Variants in ZNF214 observed in about 807,000 individuals in gnomAD.
ZNF214 encodes the protein zinc finger protein 214.
Under a neutral mutation model 53.9 loss-of-function variants are expected in ZNF214, and 43 were observed. The ratio of observed to expected loss-of-function variants is 0.80; its 90% CI spans 0.63 to 1.03. The LOEUF (loss-of-function observed/expected upper bound fraction) is 1.03. Ranked by LOEUF, ZNF214 falls within the 50% of genes least tolerant of loss-of-function variation. The pLI, the probability that ZNF214 is intolerant of heterozygous loss-of-function variation, is 0.00. For synonymous variants in ZNF214, 217 were observed against 229.5 expected (o/e 0.95, Z 0.49); for missense variants, 724 against 719.1 (o/e 1.01, Z -0.08).
In ZNF214 at chr11:7,005,905, G is replaced by C. The variant is rs368094833; in HGVS notation, c.-20-3050C>G. Among the ~76,000 whole-genome samples the C allele has an allele frequency of 5.3e-5, 8 of 151,978 alleles. No homozygotes were observed. In the East Asian group the frequency reaches 5.8e-4, roughly 11 times the overall value. On this transcript the variant is annotated intron_variant, in intron 1 of 2. Coordinates refer to ENST00000278314, the MANE Select transcript of ZNF214 (RefSeq NM_013249.4). ...CCTGAAATGTAATCCTAATGAAAAA[G>C]ATAAGATAAAATGCTTGATTATCTC...
intron 2 of ZNF214, 78 bp downstream of exon 2, chr11:7,002,631 C>T: frequency 7.1e-7 from 1 of 1,415,660 alleles, no homozygotes. Context: ...CAATATAACA[C>T]CCAGATAAAA....
At chr11:7,016,104 T>C (rs986122325) in intron 1 of ZNF214, 2 of 152,232 alleles carry the variant, frequency 1.3e-5, no homozygotes, top group African/African-American at 2.4e-5. Flanking sequence ...ATATCAGATA[T>C]GCATTATAGT....
At chr11:7,006,221 G>A (rs1289244109) in intron 1 of ZNF214, among the ~76,000 whole-genome samples, 2 of 151,922 alleles carry the variant, frequency 1.3e-5, no homozygotes, top group African/African-American at 4.8e-5. Context: ...CAAATGTCCA[G>A]GTTCATTCTT....
At chr11:7,014,810 A>C (rs1473968807) in intron 1 of ZNF214, among the ~76,000 whole-genome samples, 4 of 147,774 alleles carry the variant, frequency 2.7e-5, no homozygotes, top group African/African-American at 9.9e-5. Context: ...CTAACAAAAA[A>C]AAAAAAAAAC....
chr11:7,001,342 G>C lies in ZNF214; in HGVS notation c.341C>G (p.Pro114Arg). ...AGTCAGTTCATAGTTCCCATACCCT[G>C]GTACTTGTGTGGAGAGTATTAACCA... ...QEWLILSTQV[P>R]GYGNYELTFE... The change falls in exon 3 of 3, where the codon CCA becomes CGA. Residue 114 changes from proline to arginine, a missense_variant. By Grantham distance (103) the Pro-to-Arg change is moderately radical. Transcript: ENST00000278314. 6.2e-7 allele frequency: 1 copy of C among 1,613,140 alleles called. No individual in the cohort carries two copies. The highest frequency in any genetic ancestry group is 8.5e-7 in the Non-Finnish European group (1 of 1,179,388).
intron 1 of ZNF214, among the ~76,000 whole-genome samples, chr11:7,005,995 C>G (rs765073976): frequency 7.0e-4 from 106 of 152,170 alleles, no homozygotes; most frequent in Admixed American, 1.6e-3. Flanking sequence ...CAATCACCAA[C>G]TATGACCAGT....
At chr11:7,017,192 C>G (rs931798093) in intron 1 of ZNF214, among the ~76,000 whole-genome samples, 10 of 152,096 alleles carry the variant, frequency 6.6e-5, no homozygotes, top group Admixed American at 4.6e-4. Flanking sequence ...GGATGCAAAT[C>G]AAGGCAAAAT....
chr11:7,001,825 C>G (rs1043415495), intron 2 of ZNF214, among the ~76,000 whole-genome samples: 16 of 152,000 alleles, frequency 1.1e-4, no homozygotes, highest in Admixed American at 4.6e-4. Flanking sequence ...TTACCACGCA[C>G]TGTTAGAAAT....
At chr11:7,011,522 AAAAT>A (rs1399117360) in intron 1 of ZNF214, among the ~76,000 whole-genome samples, 3 of 152,042 alleles carry the variant, frequency 2.0e-5, no homozygotes, top group African/African-American at 4.8e-5. Context: ...CTAGAGGAAA[AAAAT>A]AAACTCCCTA....
intron 1 of ZNF214, among the ~76,000 whole-genome samples, chr11:7,014,767 G>A (rs1851710399): frequency 7.5e-6 from 1 of 132,468 alleles, no homozygotes; most frequent in Non-Finnish European, 1.5e-5. Flanking sequence ...AGGAGTTCGA[G>A]ACCAGCCTGG....
rs1374230902 is a variant in ZNF214, at chr11:6,997,769, T to A, written c.*2093A>T. Among the ~76,000 whole-genome samples, 1 of 151,828 alleles carries A rather than the reference T, an allele frequency of 6.6e-6. No individual in the cohort carries two copies. Among genetic ancestry groups the A allele is most frequent in the Admixed American group, 6.6e-5 (1 of 15,194 alleles). ...CAAATGTATGAAATTTTAGTGTAAG[T>A]CCCATGCAATATTTGGGACACCCTT... On this transcript the variant is annotated 3_prime_UTR_variant, in exon 3 of 3. Transcript: ENST00000278314.
chr11:7,019,398 T>C (rs1349124399), intron 1 of ZNF214, among the ~76,000 whole-genome samples: 2 of 152,220 alleles, frequency 1.3e-5, no homozygotes, highest in African/African-American at 4.8e-5. Flanking sequence ...AGATTATTAT[T>C]ACTACTAACA....
intron 1 of ZNF214, among the ~76,000 whole-genome samples, chr11:7,008,874 A>T (rs1237271541): frequency 6.6e-6 from 1 of 152,182 alleles, no homozygotes; most frequent in Non-Finnish European, 1.5e-5. Context: ...CATACTGCTA[A>T]CCAGGGAGGT....
intron 1 of ZNF214, among the ~76,000 whole-genome samples, chr11:7,005,688 A>C (rs1338556453): frequency 1.3e-5 from 2 of 152,124 alleles, no homozygotes; most frequent in African/African-American, 4.8e-5. Context: ...CTGTCAGCCC[A>C]GTCCTTCCAT....
chr11:7,015,305 C>T (rs565895017), intron 1 of ZNF214, among the ~76,000 whole-genome samples: 3 of 152,002 alleles, frequency 2.0e-5, no homozygotes, highest in Non-Finnish European at 2.9e-5. Flanking sequence ...GGGTCGGGTG[C>T]GGTGGCTCAT....
At chr11:7,004,786 A>C (rs1289499041) in intron 1 of ZNF214, among the ~76,000 whole-genome samples, 1 of 152,066 alleles carries the variant, frequency 6.6e-6, no homozygotes, top group Non-Finnish European at 1.5e-5. Flanking sequence ...TGGATCCTCC[A>C]ACCACGGTGC....
chr11:7,006,328 T>G (rs772399540), intron 1 of ZNF214, among the ~76,000 whole-genome samples: 2 of 152,048 alleles, frequency 1.3e-5, no homozygotes, highest in Non-Finnish European at 2.9e-5. Flanking sequence ...CCCAACAATA[T>G]TATATAAACT....
At chr11:7,015,225 T>C (rs965468732) in intron 1 of ZNF214, among the ~76,000 whole-genome samples, 1 of 150,840 alleles carries the variant, frequency 6.6e-6, no homozygotes, top group Non-Finnish European at 1.5e-5. Context: ...TTCCTAAAAA[T>C]AAATTTACCA....
chr11:7,007,446 TA>T (rs567218260), intron 1 of ZNF214, among the ~76,000 whole-genome samples: 1 of 151,088 alleles, frequency 6.6e-6, no homozygotes, highest in Non-Finnish European at 1.5e-5. Flanking sequence ...AATACAAGGA[TA>T]AAAAAAGATT....
Sources: allele counts gnomAD v4.1 joint callset (sites outside exome capture counted in the v4.1 genomes callset), GRCh38; gene constraint gnomAD v4.1.1; transcripts MANE v1.5; gene names NCBI Gene and HGNC (gene_info 2026-07-23, HGNC 2026-07-21).